GM2A: variants seen among roughly 807,000 people sequenced by gnomAD.
GM2A encodes the protein GM2 ganglioside activator.
GM2A carries 7 observed loss-of-function variants against 12.9 expected under a neutral mutation model. The observed-to-expected ratio is 0.54, with a 90% CI of 0.31 to 1.02. GM2A has a LOEUF of 1.02. Ranked by LOEUF, GM2A falls within the 50% of genes least tolerant of loss-of-function variation. The pLI is 0.05. For missense variants in GM2A, 246 were observed against 241.0 expected (o/e 1.02, Z -0.14); for synonymous variants, 101 against 96.0 (o/e 1.05, Z -0.30).
In GM2A at chr5:151,257,457, G is replaced by A. The variant is rs1355172478; in HGVS notation, c.82-2298G>A. Among the ~76,000 whole-genome samples, 4 of 152,054 alleles carry A rather than the reference G, an allele frequency of 2.6e-5. No homozygotes were observed. In the East Asian group the frequency reaches 7.7e-4, roughly 29 times the overall value. On this transcript the variant is annotated intron_variant, in intron 1 of 3. Transcript: ENST00000357164. The stretch of plus-strand genomic sequence containing the variant: ...ATCAATTCTCTGTGTGGATCAGGCT[G>A]CCTTAGAATCTATGAAAACAGCCCC...
intron 1 of GM2A, among the ~76,000 whole-genome samples, chr5:151,256,289 G>A (rs1753683178): frequency 6.6e-6 from 1 of 152,080 alleles, no homozygotes; most frequent in South Asian, 2.1e-4. Context: ...AAAAAATTTG[G>A]AATAATTTTA....
chr5:151,267,568 G>A lies in GM2A; in HGVS notation c.*117G>A, dbSNP rs1203484699. 1.9e-6 allele frequency: 3 copies of A among 1,557,556 alleles called. No homozygotes were observed. The highest frequency in any genetic ancestry group is 4.7e-5 in the East Asian group (2 of 42,302). On this transcript the variant is annotated 3_prime_UTR_variant, in exon 4 of 4. Coordinates refer to ENST00000357164, the MANE Select transcript of GM2A (RefSeq NM_000405.5). ...CCCCCTTTAATCCCCTTTCTACAGT[G>A]AGTCCACTACCCTCACTGAAAATCA...
intron 2 of GM2A, among the ~76,000 whole-genome samples, chr5:151,265,858 GC>G (rs1753876141): frequency 6.6e-6 from 1 of 152,188 alleles, no homozygotes; most frequent in Non-Finnish European, 1.5e-5. Flanking sequence ...CCTTGAGGCA[GC>G]TCCATCTGTT....
chr5:151,267,465 A>T lies in GM2A; in HGVS notation c.*14A>T. 6.2e-7 allele frequency: 1 copy of T among 1,614,068 alleles called. No homozygotes were observed. The highest frequency in any genetic ancestry group is 1.1e-5 in the South Asian group (1 of 91,080). Reference sequence around the variant, plus strand: ...AAGGGCATATAACATGGCATCTGCCACAGCAGAATGGAGCGGTGTGAGGAA... The same window carrying T: ...AAGGGCATATAACATGGCATCTGCCTCAGCAGAATGGAGCGGTGTGAGGAA... On this transcript the variant is annotated 3_prime_UTR_variant, in exon 4 of 4. Coordinates refer to ENST00000357164, the MANE Select transcript of GM2A (RefSeq NM_000405.5).
chr5:151,260,895 A>T (rs1307137250), intron 2 of GM2A, among the ~76,000 whole-genome samples: 1 of 152,144 alleles, frequency 6.6e-6, no homozygotes, highest in Non-Finnish European at 1.5e-5. Context: ...ACTTATACTC[A>T]TGGGATTATA....
intron 1 of GM2A, among the ~76,000 whole-genome samples, chr5:151,256,048 TG>T (rs905140740): frequency 2.0e-5 from 3 of 151,246 alleles, no homozygotes; most frequent in Admixed American, 1.3e-4. Flanking sequence ...AAGATGGGGG[TG>T]GGGGGTGACA....
At position 151,267,331 on chromosome 5, in the gene GM2A, G is replaced by C. The variant is rs1441419813; in HGVS notation, c.462G>C (p.Val154=). The C allele has an allele frequency of 6.2e-7, 1 of 1,614,162 alleles. No individual in the cohort carries two copies. Among genetic ancestry groups the C allele is most frequent in the Non-Finnish European group, 8.5e-7 (1 of 1,179,998 alleles). ...TYSLPKSEFV[V]PDLELPSWLT... ...CACTGCCCAAGAGCGAATTCGTTGT[G>C]CCTGACCTGGAGCTGCCCAGTTGGC... Residue 154 remains valine, a synonymous_variant, in exon 4 of 4, where the codon GTG becomes GTC. Transcript: ENST00000357164.
At chr5:151,261,191 A>AT (rs1459216100) in intron 2 of GM2A, among the ~76,000 whole-genome samples, 3 of 151,878 alleles carry the variant, frequency 2.0e-5, no homozygotes, top group Non-Finnish European at 4.4e-5. Context: ...TGCTTACCTA[A>AT]TTTTTTTATT....
At position 151,259,925 on chromosome 5, in the gene GM2A, G is replaced by A. The variant is rs766738446; in HGVS notation, c.243+9G>A. The A allele has an allele frequency of 1.2e-6, 2 of 1,610,106 alleles. No homozygotes were observed. The highest frequency in any genetic ancestry group is 1.7e-6 in the Non-Finnish European group (2 of 1,176,742). ...TGAGTTCTCCTCTGAAGGTGAGCCTGGGGGTGGGTGGAGAAGGGGAGGTGC... is the reference window on the plus strand; with the variant it reads ...TGAGTTCTCCTCTGAAGGTGAGCCTAGGGGTGGGTGGAGAAGGGGAGGTGC... On this transcript the variant is annotated intron_variant, in intron 2 of 3. Coordinates refer to ENST00000357164, the MANE Select transcript of GM2A (RefSeq NM_000405.5).
rs1561620073 is a variant in GM2A, at chr5:151,266,783, GCA to G, written c.299_300del (p.Thr100ArgfsTer9). On this transcript the variant is annotated frameshift_variant, in exon 3 of 4. Coordinates refer to ENST00000357164, the MANE Select transcript of GM2A (RefSeq NM_000405.5). LOFTEE classifies it high-confidence loss of function. ...GCTGGCCTCTGGATCAAGATCCCAT[GCA>G]CAGACTACATTGGCAGCTGTACCTT... 2.5e-6 allele frequency: 4 copies of G among 1,613,738 alleles called. No homozygotes were observed. Among genetic ancestry groups the G allele is most frequent in the Non-Finnish European group, 3.4e-6 (4 of 1,179,640 alleles).
At chr5:151,261,394 G>A (rs907739498) in intron 2 of GM2A, among the ~76,000 whole-genome samples, 1 of 152,112 alleles carries the variant, frequency 6.6e-6, no homozygotes, top group Non-Finnish European at 1.5e-5. Flanking sequence ...CAAGTCTATT[G>A]TTGAACATTT....
At position 151,267,432 on chromosome 5, in the gene GM2A, C is replaced by G. The variant is rs761692942; in HGVS notation, c.563C>G (p.Ala188Gly). ...GKRLGCIKIA[A>G]SLKGI ...CGTCTGGGCTGCATCAAGATCGCTGCCTCTCTAAAGGGCATATAACATGGC... is the reference window on the plus strand; with the variant it reads ...CGTCTGGGCTGCATCAAGATCGCTGGCTCTCTAAAGGGCATATAACATGGC... Residue 188 changes from alanine (A) to glycine (G), a missense_variant, in exon 4 of 4, where the codon GCC (alanine) becomes GGC (glycine). Coordinates refer to ENST00000357164, the MANE Select transcript of GM2A (RefSeq NM_000405.5). 15 of 1,613,982 alleles carry G rather than the reference C, an allele frequency of 9.3e-6. No individual in the cohort carries two copies. In the African/African-American group the frequency reaches 1.6e-4, roughly 17 times the overall value.
rs139014924 is a variant in GM2A, at chr5:151,266,731, G to C, written c.244G>C (p.Val82Leu). The C allele has an allele frequency of 2.1e-4, 339 of 1,612,356 alleles. No homozygotes were observed. Among genetic ancestry groups the C allele is most frequent in the Non-Finnish European group, 2.7e-4 (320 of 1,178,702 alleles). Residue 82 changes from valine (V) to leucine (L), a missense_variant and splice_region_variant, in exon 3 of 4, where the codon GTG becomes CTG. Transcript: ENST00000357164. ...CCTTTGTTTTATTTTTTTTTACCAGGTGGATTTAGTTTTGGAGAAGGAGGT... is the reference window on the plus strand; with the variant it reads ...CCTTTGTTTTATTTTTTTTTACCAGCTGGATTTAGTTTTGGAGAAGGAGGT... ...TSVPLSSPLK[V>L]DLVLEKEVAG...
At position 151,269,344 on chromosome 5, in the gene GM2A, G is replaced by A. The variant is rs1264232652; in HGVS notation, c.*1893G>A. ...TTTGGTTGGAAGGGTTTGTTGGAAC[G>A]GTACAGGTGAGCCGAGGTGATTCCA... On this transcript the variant is annotated 3_prime_UTR_variant, in exon 4 of 4. Coordinates refer to ENST00000357164, the MANE Select transcript of GM2A (RefSeq NM_000405.5). The A allele has an allele frequency of 1.6e-5, 16 of 985,306 alleles. No individual in the cohort carries two copies. In the Admixed American group the frequency reaches 1.8e-4, roughly 11 times the overall value. 61.0% of individuals were successfully genotyped at this position (985,306 alleles called of 1,614,324 possible).
chr5:151,262,392 C>T (rs939540424), intron 2 of GM2A, among the ~76,000 whole-genome samples: 7 of 152,222 alleles, frequency 4.6e-5, no homozygotes, highest in African/African-American at 1.2e-4. Context: ...ACAGCTCCTA[C>T]GTTATGGGCT....
chr5:151,258,029 G>A (rs1000482978), intron 1 of GM2A, among the ~76,000 whole-genome samples: 64 of 152,194 alleles, frequency 4.2e-4, no homozygotes, highest in African/African-American at 1.5e-3. Context: ...ACAGCACTTA[G>A]CCCAGGGCCT....
At chr5:151,264,742 G>A (rs984594769) in intron 2 of GM2A, among the ~76,000 whole-genome samples, 1 of 152,156 alleles carries the variant, frequency 6.6e-6, no homozygotes, top group Non-Finnish European at 1.5e-5. Flanking sequence ...GACCTTGGGA[G>A]GCCGAGGCGG....
chr5:151,267,275 G>A (rs760671978), intron 3 of GM2A, 21 bp from the exon 4 acceptor site: 29 of 1,614,056 alleles, frequency 1.8e-5, no homozygotes, highest in Non-Finnish European at 2.3e-5. Context: ...ACTGACTGGC[G>A]GTCCACTGGC....
chr5:151,256,575 C>T (rs1405321104), intron 1 of GM2A, among the ~76,000 whole-genome samples: 1 of 143,364 alleles, frequency 7.0e-6, no homozygotes, highest in African/African-American at 2.6e-5. Context: ...TGCTGCACTC[C>T]AGCCTGGATG....
Sources: gnomAD v4.1 joint callset for allele counts (sites outside exome capture counted in the v4.1 genomes callset) on GRCh38, gnomAD v4.1.1 for gene constraint, MANE v1.5 for transcripts, NCBI Gene and HGNC (gene_info 2026-07-23, HGNC 2026-07-21) for gene names.